The following DYNC1H1 variants were observed in gnomAD, a reference collection of about 807,000 sequenced individuals.
DYNC1H1 encodes dynein cytoplasmic 1 heavy chain 1.
A neutral mutation model predicts 527.1 loss-of-function variants in DYNC1H1; 51 were observed. The observed-to-expected ratio is 0.10, with a 90% CI of 0.08 to 0.12. DYNC1H1 has a LOEUF of 0.12. Ranked by LOEUF, DYNC1H1 falls within the 10% of genes least tolerant of loss-of-function variation. The probability of loss-of-function intolerance (pLI) is 1.00; values close to 1 mark genes in which losing one functional copy is unlikely to be tolerated. For synonymous variants in DYNC1H1, 2,189 were observed against 2,278.8 expected (o/e 0.96, Z 1.12); for missense variants, 2,771 against 5,971.8 (o/e 0.46, Z 17.66).
In DYNC1H1 at chr14:102,015,377, G is replaced by A. The variant is rs1425574011; in HGVS notation, c.7242+45G>A. 1 of 1,558,794 alleles carries A rather than the reference G, an allele frequency of 6.4e-7. No homozygotes were observed. Among genetic ancestry groups the A allele is most frequent in the Non-Finnish European group, 8.7e-7 (1 of 1,148,966 alleles). On this transcript the variant is annotated intron_variant, in intron 35 of 77. Transcript: ENST00000360184. The surrounding 1 kb of genome is among the most constrained non-coding windows in gnomAD (Gnocchi z 6.9). ...CACATATCATGACCTGAGGGTGCTAGGATATTCAGATGTGGTCTCGCTGTG... is the reference window on the plus strand; with the variant it reads ...CACATATCATGACCTGAGGGTGCTAAGATATTCAGATGTGGTCTCGCTGTG...
rs1292492632 is a variant in DYNC1H1, at chr14:101,985,152, C to T, written c.1462-535C>T. ...GAGCCAGACTTCCTGGGTTTTAAATCCTAATTCCATCGTTTACTAGCTCTG... is the reference window on the plus strand; with the variant it reads ...GAGCCAGACTTCCTGGGTTTTAAATTCTAATTCCATCGTTTACTAGCTCTG... On this transcript the variant is annotated intron_variant, in intron 7 of 77. Transcript: ENST00000360184. This position sits in a 1 kb window ranked among gnomAD's most constrained non-coding sequence, Gnocchi z 5.9. 6.6e-6 allele frequency among the ~76,000 whole-genome samples: 1 copy of T among 151,972 alleles called. No individual in the cohort carries two copies. The highest frequency in any genetic ancestry group is 1.5e-5 in the Non-Finnish European group (1 of 68,012).
rs779109019 is a variant in DYNC1H1, at chr14:102,033,266, C to A, written c.10198-3C>A. The A allele has an allele frequency of 1.3e-5, 21 of 1,614,166 alleles. No homozygotes were observed. Among genetic ancestry groups the A allele is most frequent in the Middle Eastern group, 1.6e-4 (1 of 6,062 alleles). The stretch of plus-strand genomic sequence containing the variant: ...ATAACAGTTATCAATTGGTTCTTCC[C>A]AGCTTAACTATGCAGACATGTTAAA... On this transcript the variant is annotated splice_region_variant and splice_polypyrimidine_tract_variant and intron_variant, in intron 53 of 77. Transcript: ENST00000360184. This position sits in a 1 kb window ranked among gnomAD's most constrained non-coding sequence, Gnocchi z 5.6.
Position 102,014,403 on chromosome 14 carries a change from G to A in DYNC1H1, c.7015-702G>A, listed in dbSNP as rs527261224. Reference sequence around the variant, plus strand: ...ACAAAAAATTAGCTGGCGTGGTGGCGCATACCTGTAATCCCAGCTACTCAG... The same window carrying A: ...ACAAAAAATTAGCTGGCGTGGTGGCACATACCTGTAATCCCAGCTACTCAG... On this transcript the variant is annotated intron_variant, in intron 34 of 77. Transcript: ENST00000360184. Among the ~76,000 whole-genome samples, 5 of 152,100 alleles carry A rather than the reference G, an allele frequency of 3.3e-5. No individual in the cohort carries two copies. In the South Asian group the frequency reaches 6.2e-4, roughly 19 times the overall value.
chr14:102,039,000 G>A lies in DYNC1H1; in HGVS notation c.11207-1G>A. Reference sequence around the variant, plus strand: ...AACTCTGGATGTTTTATTCATTTAAGGGGAATTTCAGCTCCGTTTGCGTCA... The same window carrying A: ...AACTCTGGATGTTTTATTCATTTAAAGGGAATTTCAGCTCCGTTTGCGTCA... On this transcript the variant is annotated splice_acceptor_variant, in intron 59 of 77. Coordinates refer to ENST00000360184, the MANE Select transcript of DYNC1H1 (RefSeq NM_001376.5). LOFTEE classifies it high-confidence loss of function. This position sits in a 1 kb window ranked among gnomAD's most constrained non-coding sequence, Gnocchi z 7.2. 1 of 1,614,016 alleles carries A rather than the reference G, an allele frequency of 6.2e-7. No individual in the cohort carries two copies. Among genetic ancestry groups the A allele is most frequent in the South Asian group, 1.1e-5 (1 of 91,080 alleles).
intron 63 of DYNC1H1, 25 bp from the exon 64 acceptor site, chr14:102,040,573 G>C: frequency 6.2e-7 from 1 of 1,614,064 alleles, no homozygotes; most frequent in African/African-American, 1.3e-5. Context: ...CTGCTCCATG[G>C]GTGCTTCCAC....
Position 102,029,574 on chromosome 14 carries a change from G to A in DYNC1H1, c.9504G>A (p.Thr3168=), listed in dbSNP as rs751842248. ...NARLAKRGGR[T]MAITPRHYLD... ...GGCTAGCAAAGCGAGGCGGCAGAACGATGGCCATCACCCCTCGCCACTACC... is the reference window on the plus strand; with the variant it reads ...GGCTAGCAAAGCGAGGCGGCAGAACAATGGCCATCACCCCTCGCCACTACC... Residue 3168 remains threonine (T), a synonymous_variant, in exon 49 of 78, where the codon ACG becomes ACA. Coordinates refer to ENST00000360184, the MANE Select transcript of DYNC1H1 (RefSeq NM_001376.5). This position sits in a 1 kb window ranked among gnomAD's most constrained non-coding sequence, Gnocchi z 5.3. 4.3e-6 allele frequency: 7 copies of A among 1,614,226 alleles called. No homozygotes were observed. Among genetic ancestry groups the A allele is most frequent in the African/African-American group, 4.0e-5 (3 of 75,062 alleles).
At position 101,986,215 on chromosome 14, in the gene DYNC1H1, C is replaced by T. The variant is rs2141274831; in HGVS notation, c.1990C>T (p.Arg664Trp). The change falls in exon 8 of 78, where the codon CGG becomes TGG. Residue 664 changes from arginine (R) to tryptophan (W), a missense_variant. By Grantham distance (101) the Arg-to-Trp change is moderately radical. Coordinates refer to ENST00000360184, the MANE Select transcript of DYNC1H1 (RefSeq NM_001376.5). This position sits in a 1 kb window ranked among gnomAD's most constrained non-coding sequence, Gnocchi z 8.7. The stretch of plus-strand genomic sequence containing the variant: ...CAGGCAGCTGACGGCCTACATGAAG[C>T]GGGTGGAAGATGTCCTTGGCAAGGG... ...IDRQLTAYMK[R>W]VEDVLGKGWE... 6.2e-7 allele frequency: 1 copy of T among 1,614,096 alleles called. No homozygotes were observed. Among genetic ancestry groups the T allele is most frequent in the Non-Finnish European group, 8.5e-7 (1 of 1,180,016 alleles).
chr14:102,006,517 G>A (rs980955260), intron 27 of DYNC1H1, among the ~76,000 whole-genome samples: 1 of 152,112 alleles, frequency 6.6e-6, no homozygotes. Context: ...ACAGGCATGA[G>A]TCACCACGCC....
intron 62 of DYNC1H1, 105 bp from the exon 63 acceptor site, chr14:102,040,131 C>G: frequency 1.4e-6 from 2 of 1,479,274 alleles, no homozygotes; most frequent in Non-Finnish European, 1.9e-6. Context: ...AGGCCTGAGC[C>G]ACTGTGCCCG....
chr14:101,988,131 G>A (rs1205416423), intron 9 of DYNC1H1, among the ~76,000 whole-genome samples: 1 of 152,192 alleles, frequency 6.6e-6, no homozygotes, highest in African/African-American at 2.4e-5. Flanking sequence ...TCAAGTTTAA[G>A]TTGGAAGCAG....
In DYNC1H1 at chr14:101,984,401, ATGTGTGTG is replaced by A. The variant is rs34162363; in HGVS notation, c.1461+816_1461+823del. Among the ~76,000 whole-genome samples the A allele has an allele frequency of 8.5e-3, 872 of 102,402 alleles. 23 individuals carry two copies. Among genetic ancestry groups the A allele is most frequent in the African/African-American group, 0.038 (814 of 21,488 alleles). 67.2% of individuals were successfully genotyped at this position (102,402 alleles called of 152,430 possible). Reference sequence around the variant, plus strand: ...TGTGTGTATATATATATGCGTATATATGTGTGTGTGTGTGTGTGTGTGTGTGTGTGTAT... The same window carrying A: ...TGTGTGTATATATATATGCGTATATATGTGTGTGTGTGTGTGTGTGTGTAT... On this transcript the variant is annotated intron_variant, in intron 7 of 77. Coordinates refer to ENST00000360184, the MANE Select transcript of DYNC1H1 (RefSeq NM_001376.5).
Position 102,049,319 on chromosome 14 carries a change from A to T in DYNC1H1, c.13373-121A>T. The T allele has an allele frequency of 7.0e-7, 1 of 1,421,440 alleles. No individual in the cohort carries two copies. Among genetic ancestry groups the T allele is most frequent in the Non-Finnish European group, 9.7e-7 (1 of 1,031,524 alleles). The allele number at this position is 1,421,440 out of a possible 1,614,324, so 88.1% of individuals were successfully genotyped here. ...TAAAGTGCAGCCTGGGAAAGGCAGT[A>T]GGTGGAGCCGCCAGCCGCCTGTGTG... On this transcript the variant is annotated intron_variant, in intron 74 of 77. Transcript: ENST00000360184. The surrounding 1 kb of genome is among the most constrained non-coding windows in gnomAD (Gnocchi z 5.5).
intron 16 of DYNC1H1, among the ~76,000 whole-genome samples, chr14:101,998,879 C>CTTTTTTTTTTGTTTTTTTTTTTTTTTTT (rs1470140199): frequency 8.7e-6 from 1 of 115,220 alleles, no homozygotes; most frequent in African/African-American, 3.8e-5. Context: ...AAAACTTTTT[C>CTTTTTTTTTTGTTTTTTTTTTTTTTTTT]TTTTTTTTTT....
Position 102,050,567 on chromosome 14 carries a change from T to C in DYNC1H1, c.*4T>C. ...CGCAGTCTTGTGCACAGAGTAAACT[T>C]TTCTAGCTGCCCCTTTCTGTAATAG... On this transcript the variant is annotated 3_prime_UTR_variant, in exon 78 of 78. Coordinates refer to ENST00000360184, the MANE Select transcript of DYNC1H1 (RefSeq NM_001376.5). 1 of 1,614,226 alleles carries C rather than the reference T, an allele frequency of 6.2e-7. No individual in the cohort carries two copies. The highest frequency in any genetic ancestry group is 1.1e-5 in the South Asian group (1 of 91,088).
chr14:101,998,916 C>G (rs923087627), intron 16 of DYNC1H1, among the ~76,000 whole-genome samples: 2 of 120,316 alleles, frequency 1.7e-5, no homozygotes, highest in African/African-American at 3.8e-5. Flanking sequence ...GAGTCTTGCT[C>G]TGTCTCCCAG....
chr14:101,974,248 CGCCACCATGCCTG>C (rs1323925103), intron 1 of DYNC1H1, among the ~76,000 whole-genome samples: 2 of 152,244 alleles, frequency 1.3e-5, no homozygotes, highest in Middle Eastern at 3.4e-3. Context: ...TACAGGCATG[CGCCACCATGCCTG>C]GCTAATTTTG....
Position 101,985,621 on chromosome 14 carries a change from G to T in DYNC1H1, c.1462-66G>T, listed in dbSNP as rs1566998896. 6.3e-7 allele frequency: 1 copy of T among 1,587,166 alleles called. No individual in the cohort carries two copies. The highest frequency in any genetic ancestry group is 2.2e-5 in the East Asian group (1 of 44,722). ...TTACAGGTGTGAGCCACTGCACCCG[G>T]CTTAAAATAAATTTTAAAGCCTTCG... On this transcript the variant is annotated intron_variant, in intron 7 of 77. Coordinates refer to ENST00000360184, the MANE Select transcript of DYNC1H1 (RefSeq NM_001376.5). The surrounding 1 kb of genome is among the most constrained non-coding windows in gnomAD (Gnocchi z 5.9).
chr14:101,991,141 C>T (rs2047994080), intron 10 of DYNC1H1, among the ~76,000 whole-genome samples: 1 of 152,064 alleles, frequency 6.6e-6, no homozygotes, highest in Admixed American at 6.5e-5. Context: ...CCATCGCACT[C>T]CAGCCTGGGT....
Position 102,011,973 on chromosome 14 carries a change from G to A in DYNC1H1, c.6717G>A (p.Lys2239=), listed in dbSNP as rs1412818591. 1 of 1,614,084 alleles carries A rather than the reference G, an allele frequency of 6.2e-7. No homozygotes were observed. Among genetic ancestry groups the A allele is most frequent in the Admixed American group, 1.7e-5 (1 of 59,998 alleles). The change falls in exon 33 of 78, where the codon AAG becomes AAA. Residue 2239 remains lysine (K), a synonymous_variant. Coordinates refer to ENST00000360184, the MANE Select transcript of DYNC1H1 (RefSeq NM_001376.5). This position sits in a 1 kb window ranked among gnomAD's most constrained non-coding sequence, Gnocchi z 5.3. ...GCATGGCCTGGCGTGTCCTGCTGAA[G>A]GCATTGGAGAGACTCGAGGGTGTGG... The part of the protein sequence containing the change: ...GKSMAWRVLL[K]ALERLEGVEG...
Sources: gnomAD v4.1 joint callset for allele counts (sites outside exome capture counted in the v4.1 genomes callset) on GRCh38, gnomAD v4.1.1 for gene constraint, Gnocchi (gnomAD v3.1) non-coding constraint, MANE v1.5 for transcripts, NCBI Gene and HGNC (gene_info 2026-07-23, HGNC 2026-07-21) for gene names.